The following C1QTNF3 variants were observed in gnomAD, a reference collection of about 807,000 sequenced individuals.
The protein encoded by C1QTNF3 is complement C1q tumor necrosis factor-related protein 3.
C1QTNF3 carries 26 observed loss-of-function variants against 32.6 expected under a neutral mutation model. The observed-to-expected ratio is 0.80, with a 90% confidence interval of 0.58 to 1.11. The LOEUF (loss-of-function observed/expected upper bound fraction) is 1.11. Among genes scored for constraint, C1QTNF3 ranks in the 50% least tolerant of loss-of-function variants. The pLI is 0.00. For synonymous variants in C1QTNF3, 155 were observed against 146.0 expected, an observed-to-expected ratio of 1.06 and a Z score of -0.44; for missense variants, 362 against 398.2, an observed-to-expected ratio of 0.91 and a Z score of 0.77.
chr5:34,156,252 G>GTAGAGA, the C1QTNF3 span, among the ~76,000 whole-genome samples: 1 of 151,994 alleles, frequency 6.6e-6, no homozygotes, highest in South Asian at 2.1e-4. Context: ...TGTAATTTTA[G>GTAGAGA]TAGAGATGGG....
chr5:34,211,283 C>T, the C1QTNF3 span, among the ~76,000 whole-genome samples: 1 of 151,972 alleles, frequency 6.6e-6, no homozygotes, highest in East Asian at 1.9e-4. Context: ...TCACATTTTA[C>T]ATATCCAAGA....
chr5:34,176,958 C>T, the C1QTNF3 span, among the ~76,000 whole-genome samples: 4 of 152,164 alleles, frequency 2.6e-5, no homozygotes, highest in South Asian at 2.1e-4. Flanking sequence ...TTTGGGAGGT[C>T]GAGGCAGGAG....
chr5:34,225,974 CATT>C, the C1QTNF3 span, among the ~76,000 whole-genome samples: 1 of 151,714 alleles, frequency 6.6e-6, no homozygotes, highest in Non-Finnish European at 1.5e-5. Context: ...TTGAGAAAAA[CATT>C]ATACCAATCA....
chr5:34,117,351 C>A, the C1QTNF3 span, among the ~76,000 whole-genome samples: 8 of 152,122 alleles, frequency 5.3e-5, no homozygotes, highest in South Asian at 6.2e-4. Flanking sequence ...GACTTAGGTC[C>A]AGTGTAACAC....
the C1QTNF3 span, among the ~76,000 whole-genome samples, chr5:34,204,225 T>C: frequency 6.6e-6 from 1 of 152,172 alleles, no homozygotes; most frequent in African/African-American, 2.4e-5. Flanking sequence ...ACATTCTTAA[T>C]AAAACCGCAA....
chr5:34,181,093 T>C, the C1QTNF3 span, among the ~76,000 whole-genome samples: 16 of 152,426 alleles, frequency 1.0e-4, no homozygotes, highest in African/African-American at 3.6e-4. Context: ...TTGTTGAAGC[T>C]GGTTTTCTTC....
At chr5:34,131,418 C>T in the C1QTNF3 span, among the ~76,000 whole-genome samples, 1 of 151,416 alleles carries the variant, frequency 6.6e-6, no homozygotes, top group Non-Finnish European at 1.5e-5. Context: ...CCTAAAATAT[C>T]CTACATTATA....
chr5:34,159,990 GAAGTTT>G, the C1QTNF3 span, among the ~76,000 whole-genome samples: 1 of 152,052 alleles, frequency 6.6e-6, no homozygotes, highest in Non-Finnish European at 1.5e-5. Flanking sequence ...TAAATATTAG[GAAGTTT>G]AAGTTCCTAC....
intron 1 of C1QTNF3, among the ~76,000 whole-genome samples, chr5:34,041,216 G>A (rs115095557): frequency 0.012 from 1,789 of 152,300 alleles, 44 homozygotes; most frequent in African/African-American, 0.041. Flanking sequence ...TTCCATAGCC[G>A]TTGGTAGAGG....
the C1QTNF3 span, among the ~76,000 whole-genome samples, chr5:34,212,030 A>G: frequency 1.3e-5 from 2 of 152,198 alleles, no homozygotes; most frequent in African/African-American, 2.4e-5. Context: ...TAACCAAAAC[A>G]GCATGGTACT....
chr5:34,128,559 T>C, the C1QTNF3 span, among the ~76,000 whole-genome samples: 1 of 152,218 alleles, frequency 6.6e-6, no homozygotes, highest in African/African-American at 2.4e-5. Flanking sequence ...AAGAGTAGAA[T>C]TGCCTAAGGC....
chr5:34,114,315 G>C, the C1QTNF3 span, among the ~76,000 whole-genome samples: 7 of 151,940 alleles, frequency 4.6e-5, no homozygotes, highest in Non-Finnish European at 1.0e-4. Flanking sequence ...GTAGCCTCAA[G>C]AAACACTGAA....
In C1QTNF3 at chr5:34,018,524, C is replaced by T. The variant is rs552918878; in HGVS notation, c.*2059G>A. Among the ~76,000 whole-genome samples, 1 of 152,288 alleles carries T rather than the reference C, an allele frequency of 6.6e-6. No individual in the cohort carries two copies. The highest frequency in any genetic ancestry group is 2.1e-4 in the South Asian group (1 of 4,824). On this transcript the variant is annotated 3_prime_UTR_variant, in exon 6 of 6. Transcript: ENST00000382065. ...TGTACTTTAAATGCCATAGGAGTGCCTGGAATAGCACAGTATCTTGCATAA... is the reference window on the plus strand; with the variant it reads ...TGTACTTTAAATGCCATAGGAGTGCTTGGAATAGCACAGTATCTTGCATAA...
At chr5:34,204,217 A>T in the C1QTNF3 span, among the ~76,000 whole-genome samples, 5 of 152,216 alleles carry the variant, frequency 3.3e-5, no homozygotes, top group Non-Finnish European at 7.4e-5. Context: ...CAGAATATAC[A>T]TTCTTAATAA....
chr5:34,056,266 G>A, the C1QTNF3 span, among the ~76,000 whole-genome samples: 2 of 151,740 alleles, frequency 1.3e-5, no homozygotes, highest in East Asian at 3.9e-4. Context: ...GTCAATGTGT[G>A]CAATCCTGGA....
chr5:34,094,063 T>C, the C1QTNF3 span, among the ~76,000 whole-genome samples: 1 of 152,190 alleles, frequency 6.6e-6, no homozygotes. Flanking sequence ...TGTAGAAGAC[T>C]GTGGTTTGAG....
chr5:34,131,082 A>G, the C1QTNF3 span, among the ~76,000 whole-genome samples: 1 of 152,254 alleles, frequency 6.6e-6, no homozygotes, highest in Non-Finnish European at 1.5e-5. Context: ...TATTACATAT[A>G]AAAATGCAAC....
chr5:34,159,785 T>C, the C1QTNF3 span, among the ~76,000 whole-genome samples: 2 of 150,946 alleles, frequency 1.3e-5, no homozygotes, highest in Non-Finnish European at 3.0e-5. Context: ...AAAAGATATA[T>C]ACAAAAGTAA....
the C1QTNF3 span, among the ~76,000 whole-genome samples, chr5:34,056,565 C>T: frequency 1.4e-5 from 2 of 146,100 alleles, no homozygotes; most frequent in Non-Finnish European, 3.0e-5. Flanking sequence ...TAGGCTGGAA[C>T]GCAGTGGTAT....
Sources: allele counts gnomAD v4.1 joint callset (sites outside exome capture counted in the v4.1 genomes callset), GRCh38; gene constraint gnomAD v4.1.1; transcripts MANE v1.5; gene names NCBI Gene and HGNC (gene_info 2026-07-23, HGNC 2026-07-21).